Variants in EGFLAM observed in about 807,000 individuals in gnomAD.
EGFLAM encodes EGF like, fibronectin type III and laminin G domains.
EGFLAM carries 79 observed loss-of-function variants against 113.1 expected under a neutral mutation model. The observed-to-expected ratio is 0.70, with a 90% CI of 0.58 to 0.84. The LOEUF (loss-of-function observed/expected upper bound fraction) is 0.84, where lower values mean the gene tolerates loss of function less well. EGFLAM is among the 40% of genes least tolerant of loss of function. EGFLAM has a pLI of 0.00. For synonymous variants in EGFLAM, 504 were observed against 487.6 expected, an observed-to-expected ratio of 1.03 and a Z score of -0.44; for missense variants, 1,265 against 1,291.6, an observed-to-expected ratio of 0.98 and a Z score of 0.32.
At chr5:38,342,647 C>T (rs1739365378) in intron 3 of EGFLAM, among the ~76,000 whole-genome samples, 1 of 152,056 alleles carries the variant, frequency 6.6e-6, no homozygotes, top group African/African-American at 2.4e-5. Flanking sequence ...CAGATTTCCT[C>T]CTGGAAAACA....
intron 3 of EGFLAM, among the ~76,000 whole-genome samples, chr5:38,341,354 G>A (rs929519717): frequency 3.3e-5 from 5 of 152,210 alleles, no homozygotes; most frequent in Admixed American, 6.5e-5. Flanking sequence ...GAGAGGGAAT[G>A]AGTGCTGAGT....
In EGFLAM at chr5:38,332,503, G is replaced by A. The variant is rs535111504; in HGVS notation, c.98-5017G>A. Among the ~76,000 whole-genome samples the A allele has an allele frequency of 5.3e-5, 8 of 152,284 alleles. No homozygotes were observed. The South Asian group carries it at 1.7e-3, about 32-fold the overall frequency. The stretch of plus-strand genomic sequence containing the variant: ...TGGTTGGGGAGACCCTAACCCAGCA[G>A]CGCTAGATGAATTAAATACACGCAC... On this transcript the variant is annotated intron_variant, in intron 1 of 21. Coordinates refer to ENST00000322350, the MANE Select transcript of EGFLAM (RefSeq NM_152403.4).
chr5:38,394,626 G>A (rs1191790491), intron 6 of EGFLAM, among the ~76,000 whole-genome samples: 10 of 149,456 alleles, frequency 6.7e-5, no homozygotes, highest in South Asian at 2.1e-4. Context: ...AGCCAGGATG[G>A]TCTCGATCTC....
chr5:38,355,273 G>A (rs1359527127), intron 5 of EGFLAM, among the ~76,000 whole-genome samples: 1 of 152,182 alleles, frequency 6.6e-6, no homozygotes, highest in African/African-American at 2.4e-5. Context: ...CAGGAGACAT[G>A]GATCCACTGG....
At chr5:38,410,133 C>T (rs1368610623) in intron 10 of EGFLAM, among the ~76,000 whole-genome samples, 2 of 152,206 alleles carry the variant, frequency 1.3e-5, no homozygotes, top group Non-Finnish European at 2.9e-5. Flanking sequence ...AGAGCAAGTA[C>T]TCAATAAGCA....
At chr5:38,420,503 C>T (rs1312073039) in intron 12 of EGFLAM, among the ~76,000 whole-genome samples, 1 of 152,220 alleles carries the variant, frequency 6.6e-6, no homozygotes, top group Non-Finnish European at 1.5e-5. Context: ...ATTTTTGCAA[C>T]TCAGTCTCCC....
intron 1 of EGFLAM, among the ~76,000 whole-genome samples, chr5:38,326,560 G>A (rs1416527710): frequency 4.6e-5 from 7 of 151,846 alleles, no homozygotes; most frequent in African/African-American, 1.7e-4. Flanking sequence ...GTGCAGTGGT[G>A]CAATCTCAGC....
intron 2 of EGFLAM, 138 bp downstream of exon 2, chr5:38,337,767 G>T: frequency 1.4e-6 from 1 of 725,730 alleles, no homozygotes. Context: ...TAGAAGAAAT[G>T]TCCCGCTTTG....
chr5:38,377,959 T>C (rs1740408973), intron 6 of EGFLAM, among the ~76,000 whole-genome samples: 1 of 152,186 alleles, frequency 6.6e-6, no homozygotes. Flanking sequence ...AGACTACCTT[T>C]TCCTCCTTTT....
intron 1 of EGFLAM, among the ~76,000 whole-genome samples, chr5:38,335,169 T>G (rs1739151958): frequency 6.6e-6 from 1 of 152,160 alleles, no homozygotes; most frequent in Non-Finnish European, 1.5e-5. Flanking sequence ...ATTTACTCTT[T>G]TGGGGAGAGC....
chr5:38,326,353 G>C (rs1053736033), intron 1 of EGFLAM, among the ~76,000 whole-genome samples: 8 of 152,186 alleles, frequency 5.3e-5, no homozygotes, highest in African/African-American at 1.7e-4. Flanking sequence ...AAGTAGAGAG[G>C]AGCGAATGGC....
At chr5:38,367,510 C>G (rs1274881138) in intron 5 of EGFLAM, among the ~76,000 whole-genome samples, 2 of 152,000 alleles carry the variant, frequency 1.3e-5, no homozygotes, top group Non-Finnish European at 2.9e-5. Context: ...CTCGGCCTTC[C>G]AAAGTGCTGG....
At chr5:38,455,087 G>A (rs1402403726) in intron 19 of EGFLAM, among the ~76,000 whole-genome samples, 4 of 152,166 alleles carry the variant, frequency 2.6e-5, no homozygotes, top group African/African-American at 4.8e-5. Context: ...AACACTGCCC[G>A]CTTAGTTTCA....
At chr5:38,394,711 CTTTTTTTTT>C (rs11451294) in intron 6 of EGFLAM, among the ~76,000 whole-genome samples, 1 of 121,722 alleles carries the variant, frequency 8.2e-6, no homozygotes, top group Non-Finnish European at 1.6e-5. Flanking sequence ...GCCGGGCCCA[CTTTTTTTTT>C]TTTTTTTTTT....
At chr5:38,292,439 G>A (rs977297724) in intron 1 of EGFLAM, among the ~76,000 whole-genome samples, 1 of 152,184 alleles carries the variant, frequency 6.6e-6, no homozygotes, top group African/African-American at 2.4e-5. Context: ...GCTGCCCAGT[G>A]GCGGTCTCTT....
intron 3 of EGFLAM, 30 bp from the exon 4 acceptor site, chr5:38,350,471 T>A (rs770752425): frequency 8.1e-6 from 13 of 1,602,242 alleles, no homozygotes; most frequent in African/African-American, 1.3e-5. Flanking sequence ...GTACTGATTG[T>A]TAGCATCTTT....
In EGFLAM at chr5:38,319,545, G is replaced by C. The variant is rs767049694; in HGVS notation, c.98-17975G>C. 1.4e-4 allele frequency among the ~76,000 whole-genome samples: 22 copies of C among 152,124 alleles called. 1 individual carries two copies. Among genetic ancestry groups the C allele is most frequent in the Non-Finnish European group, 2.8e-4 (19 of 68,032 alleles). On this transcript the variant is annotated intron_variant, in intron 1 of 21. Coordinates refer to ENST00000322350, the MANE Select transcript of EGFLAM (RefSeq NM_152403.4). ...TGCCCTCATGGAGTTGACATTCTAC[G>C]GGCTATTGGGGGCAACATGGAGAGT...
chr5:38,445,582 G>C, intron 17 of EGFLAM: 1 of 1,596,888 alleles, frequency 6.3e-7, no homozygotes, highest in South Asian at 1.1e-5. Flanking sequence ...GAGAAACAAG[G>C]CTGGCTTCAA....
At chr5:38,345,384 A>G in intron 3 of EGFLAM, 1 of 152,372 alleles carries the variant, frequency 6.6e-6, no homozygotes, top group Non-Finnish European at 1.5e-5. Flanking sequence ...TCTGTGAAGA[A>G]GGCAAGAGTC....
Sources: gnomAD v4.1 joint callset for allele counts (sites outside exome capture counted in the v4.1 genomes callset) on GRCh38, gnomAD v4.1.1 for gene constraint, MANE v1.5 for transcripts, NCBI Gene and HGNC (gene_info 2026-07-23, HGNC 2026-07-21) for gene names.